Variants in NLRP4 observed in about 807,000 individuals in gnomAD.
NLRP4 encodes NACHT, LRR and PYD domains-containing protein 4.
NLRP4 carries 44 observed loss-of-function variants against 84.7 expected under a neutral mutation model. That is an observed-to-expected ratio of 0.52 (90% CI 0.41 to 0.67). The LOEUF (loss-of-function observed/expected upper bound fraction) is 0.67, where lower values mean the gene tolerates loss of function less well. Ranked by LOEUF, NLRP4 falls within the 30% of genes least tolerant of loss-of-function variation. NLRP4 has a pLI of 0.00. For missense variants in NLRP4, 1,260 were observed against 1,219.4 expected, an observed-to-expected ratio of 1.03 and a Z score of -0.50; for synonymous variants, 544 against 476.4, an observed-to-expected ratio of 1.14 and a Z score of -1.85.
intron 1 of NLRP4, among the ~76,000 whole-genome samples, chr19:55,846,466 C>T (rs1983798454): frequency 6.6e-6 from 1 of 152,142 alleles, no homozygotes; most frequent in African/African-American, 2.4e-5. Flanking sequence ...CCAAGATGGT[C>T]TCAGAGCAAA....
intron 1 of NLRP4, among the ~76,000 whole-genome samples, chr19:55,847,326 A>G (rs1281274205): frequency 6.6e-6 from 1 of 152,176 alleles, no homozygotes; most frequent in African/African-American, 2.4e-5. Flanking sequence ...TTTTTGAATT[A>G]TGATTTCCTT....
At chr19:55,861,288 C>A in intron 3 of NLRP4, 98 bp from the exon 4 acceptor site, 16 of 1,006,608 alleles carry the variant, frequency 1.6e-5, no homozygotes, top group Non-Finnish European at 2.4e-5. Flanking sequence ...CTGCCTCAGA[C>A]ATCTTCTGTT....
At chr19:55,873,488 A>G (rs1480680772) in intron 7 of NLRP4, among the ~76,000 whole-genome samples, 3 of 152,200 alleles carry the variant, frequency 2.0e-5, no homozygotes, top group Non-Finnish European at 4.4e-5. Flanking sequence ...TAAATGTTTC[A>G]GCTAAAAGAT....
chr19:55,847,899 T>C (rs1293945984), intron 1 of NLRP4, among the ~76,000 whole-genome samples: 1 of 152,070 alleles, frequency 6.6e-6, no homozygotes, highest in Non-Finnish European at 1.5e-5. Flanking sequence ...ATATTTTTAG[T>C]AGAGATGGGG....
chr19:55,845,416 C>T (rs1164720417), intron 1 of NLRP4, among the ~76,000 whole-genome samples: 6 of 150,946 alleles, frequency 4.0e-5, no homozygotes, highest in South Asian at 4.2e-4. Context: ...TTTCTTAATC[C>T]AGTCTATCAT....
At chr19:55,878,997 A>G (rs1985484434) in intron 9 of NLRP4, 33 bp downstream of exon 9, 2 of 1,565,322 alleles carry the variant, frequency 1.3e-6, no homozygotes, top group African/African-American at 1.4e-5. Flanking sequence ...CTATGGGCAG[A>G]GTGCTCCGGG....
At chr19:55,857,038 A>G (rs1984461761) in intron 2 of NLRP4, among the ~76,000 whole-genome samples, 1 of 152,200 alleles carries the variant, frequency 6.6e-6, no homozygotes, top group East Asian at 1.9e-4. Context: ...TGTTTATGCA[A>G]ATTGAGTACA....
Position 55,877,185 on chromosome 19 carries a change from C to T in NLRP4, c.2696+19C>T, listed in dbSNP as rs1317588528. The T allele has an allele frequency of 2.5e-6, 4 of 1,609,996 alleles. No homozygotes were observed. In the East Asian group the frequency reaches 8.9e-5, roughly 36 times the overall value. ...TTCTTGGGTGGGTATCGCCAAGCTC[C>T]TGGTTATGTTTTCATGAGTGGCAAA... is the stretch of plus-strand genomic sequence containing the variant. On this transcript the variant is annotated intron_variant, in intron 8 of 9. Coordinates refer to ENST00000301295, the MANE Select transcript of NLRP4 (RefSeq NM_134444.5).
chr19:55,860,102 C>T (rs982994479), intron 3 of NLRP4, among the ~76,000 whole-genome samples: 3 of 151,178 alleles, frequency 2.0e-5, no homozygotes, highest in African/African-American at 7.3e-5. Context: ...TCTCCTGCCT[C>T]GGCCTCCCGA....
chr19:55,837,302 C>G (rs910086118), intron 1 of NLRP4, among the ~76,000 whole-genome samples: 4 of 152,044 alleles, frequency 2.6e-5, no homozygotes, highest in African/African-American at 9.7e-5. Context: ...ACACCAAACC[C>G]CTGTGACACG....
intron 5 of NLRP4, among the ~76,000 whole-genome samples, chr19:55,865,779 C>CT (rs1461290781): frequency 2.0e-5 from 3 of 151,844 alleles, no homozygotes; most frequent in African/African-American, 7.3e-5. Context: ...GATTTTTTGC[C>CT]TTTTTGTCAA....
intron 1 of NLRP4, among the ~76,000 whole-genome samples, chr19:55,843,069 A>C (rs1983672859): frequency 6.6e-6 from 1 of 151,978 alleles, no homozygotes; most frequent in Admixed American, 6.6e-5. Flanking sequence ...TTATTTCTTA[A>C]AGATTATTTT....
chr19:55,842,771 T>C (rs1312925310), intron 1 of NLRP4, among the ~76,000 whole-genome samples: 2 of 152,078 alleles, frequency 1.3e-5, no homozygotes, highest in Non-Finnish European at 2.9e-5. Flanking sequence ...ATTTTATTTT[T>C]ATTTTTGAGA....
intron 1 of NLRP4, among the ~76,000 whole-genome samples, chr19:55,850,658 C>T (rs1286731500): frequency 1.4e-4 from 18 of 128,026 alleles, no homozygotes; most frequent in Admixed American, 8.8e-4. Context: ...TCCGAGGCTG[C>T]GGTGTAATGT....
In NLRP4 at chr19:55,866,469, C is replaced by G. The variant is rs143521098; in HGVS notation, c.2187-1240C>G. On this transcript the variant is annotated intron_variant, in intron 5 of 9. Coordinates refer to ENST00000301295, the MANE Select transcript of NLRP4 (RefSeq NM_134444.5). ...TATTTCTGGACAACTCCCATAATGG[C>G]TTTCATCTTTATTCTGTTGTCTCTG... Among the ~76,000 whole-genome samples the G allele has an allele frequency of 2.5e-3, 377 of 152,310 alleles. 4 individuals are homozygous for G. The highest frequency in any genetic ancestry group is 8.7e-3 in the African/African-American group (360 of 41,580).
intron 6 of NLRP4, among the ~76,000 whole-genome samples, chr19:55,868,904 CAA>C (rs1985066194): frequency 1.3e-5 from 2 of 151,970 alleles, no homozygotes; most frequent in Admixed American, 1.3e-4. Flanking sequence ...CTGAAAATGT[CAA>C]GAAAATGAGA....
intron 2 of NLRP4, among the ~76,000 whole-genome samples, chr19:55,853,280 C>G (rs764094788): frequency 4.6e-5 from 7 of 152,172 alleles, no homozygotes; most frequent in South Asian, 2.1e-4. Flanking sequence ...GATTGGGATT[C>G]TTTAATATTC....
In NLRP4 at chr19:55,849,947, T is replaced by G. The variant is rs1159440258; in HGVS notation, c.-65-2069T>G. 7.7e-3 allele frequency among the ~76,000 whole-genome samples: 969 copies of G among 125,856 alleles called. 59 individuals carry two copies. Among genetic ancestry groups the G allele is most frequent in the African/African-American group, 0.018 (446 of 24,270 alleles). The allele number at this position is 125,856 out of a possible 152,430, so 82.6% of individuals were successfully genotyped here. ...GTAATTTCCGTAGCCGCGGTGTAAT[T>G]TCCGAGACTGCGGTGTAATTTCCGT... On this transcript the variant is annotated intron_variant, in intron 1 of 9. Coordinates refer to ENST00000301295, the MANE Select transcript of NLRP4 (RefSeq NM_134444.5).
chr19:55,838,884 T>G (rs1039793314), intron 1 of NLRP4, among the ~76,000 whole-genome samples: 84 of 152,080 alleles, frequency 5.5e-4, no homozygotes, highest in South Asian at 2.1e-4. Flanking sequence ...GATCTTACAC[T>G]TAATGGACTT....
Sources: allele counts gnomAD v4.1 joint callset (sites outside exome capture counted in the v4.1 genomes callset), GRCh38; gene constraint gnomAD v4.1.1; transcripts MANE v1.5; gene names NCBI Gene and HGNC (gene_info 2026-07-23, HGNC 2026-07-21).